The following LRP12 variants were observed in gnomAD, a reference collection of about 807,000 sequenced individuals.
The protein encoded by LRP12 is low-density lipoprotein receptor-related protein 12.
In LRP12, 14 loss-of-function variants were observed where a neutral mutation model predicts 66.0. The ratio of observed to expected loss-of-function variants is 0.21; its 90% CI spans 0.14 to 0.33. The LOEUF (loss-of-function observed/expected upper bound fraction) is 0.33, where lower values mean the gene tolerates loss of function less well. Among genes scored for constraint, LRP12 ranks in the 10% least tolerant of loss-of-function variants. The pLI is 1.00. For synonymous variants in LRP12, 357 were observed against 359.1 expected, an observed-to-expected ratio of 0.99 and a Z score of 0.07; for missense variants, 889 against 1,053.4, an observed-to-expected ratio of 0.84 and a Z score of 2.16.
intron 3 of LRP12, chr8:104,506,200 C>T (rs944667576): frequency 6.6e-6 from 1 of 151,706 alleles, no homozygotes; most frequent in Admixed American, 6.6e-5. Flanking sequence ...CTTTGTAATG[C>T]TATGTATTTT....
intron 2 of LRP12, among the ~76,000 whole-genome samples, chr8:104,516,391 T>C (rs1811072769): frequency 6.6e-6 from 1 of 151,824 alleles, no homozygotes; most frequent in South Asian, 2.1e-4. Context: ...ATGCTAATGG[T>C]TAAACTATAT....
chr8:104,554,822 A>T (rs938374610), intron 1 of LRP12, among the ~76,000 whole-genome samples: 1 of 152,218 alleles, frequency 6.6e-6, no homozygotes, highest in African/African-American at 2.4e-5. Flanking sequence ...GCACACAGTC[A>T]TCAGGTTATC....
chr8:104,581,200 G>C (rs1812243921), intron 1 of LRP12, among the ~76,000 whole-genome samples: 1 of 152,158 alleles, frequency 6.6e-6, no homozygotes, highest in African/African-American at 2.4e-5. Context: ...ACCAAATGCT[G>C]CATGTTCTCA....
intron 1 of LRP12, among the ~76,000 whole-genome samples, chr8:104,564,924 C>A (rs548569030): frequency 1.4e-5 from 2 of 143,786 alleles, no homozygotes; most frequent in African/African-American, 5.5e-5. Flanking sequence ...CAGAGTGAGA[C>A]TCTGTCAAAG....
chr8:104,584,026 C>A (rs1379489417), intron 1 of LRP12, among the ~76,000 whole-genome samples: 2 of 151,838 alleles, frequency 1.3e-5, no homozygotes, highest in African/African-American at 4.8e-5. Flanking sequence ...ACTCTGATAA[C>A]ATGTATTTGA....
intron 1 of LRP12, among the ~76,000 whole-genome samples, chr8:104,538,145 T>C (rs1048436152): frequency 1.3e-4 from 20 of 152,156 alleles, no homozygotes; most frequent in African/African-American, 4.6e-4. Context: ...GAGTGAGGTG[T>C]TGAATTACAT....
At chr8:104,538,611 C>A (rs1564139006) in intron 1 of LRP12, among the ~76,000 whole-genome samples, 1 of 152,014 alleles carries the variant, frequency 6.6e-6, no homozygotes, top group Non-Finnish European at 1.5e-5. Flanking sequence ...CTGCTAACAT[C>A]AGAAAAAAAG....
At chr8:104,506,206 A>T (rs558090380) in intron 3 of LRP12, 1 of 152,070 alleles carries the variant, frequency 6.6e-6, no homozygotes, top group East Asian at 1.9e-4. Flanking sequence ...AATGCTATGT[A>T]TTTTTTTTAA....
In LRP12 at chr8:104,489,404, TCA is replaced by T. The variant is rs929523839; in HGVS notation, c.*1267_*1268del. 1.3e-5 allele frequency: 2 copies of T among 152,390 alleles called. No homozygotes were observed. The highest frequency in any genetic ancestry group is 6.6e-5 in the Admixed American group (1 of 15,256). The allele number at this position is 152,390 out of a possible 1,614,324, so 9.4% of individuals were successfully genotyped here. On this transcript the variant is annotated 3_prime_UTR_variant, in exon 7 of 7. Coordinates refer to ENST00000276654, the MANE Select transcript of LRP12 (RefSeq NM_013437.5). The stretch of plus-strand genomic sequence containing the variant: ...TACTTAAAATTTAATAAATAGCAAA[TCA>T]CACACAGATACATTTTTCATAATCA...
intron 1 of LRP12, among the ~76,000 whole-genome samples, chr8:104,539,886 A>C (rs971650035): frequency 4.6e-5 from 7 of 152,170 alleles, no homozygotes; most frequent in Non-Finnish European, 8.8e-5. Flanking sequence ...TATATGCAGA[A>C]AACAAAGCCA....
rs149872014 is a variant in LRP12, at chr8:104,491,312, C to G, written c.1941G>C (p.Leu647Phe). 1.9e-6 allele frequency: 3 copies of G among 1,614,160 alleles called. No homozygotes were observed. The South Asian group carries it at 3.3e-5, about 18-fold the overall frequency. Residue 647 changes from leucine to phenylalanine, a missense_variant, in exon 7 of 7, where the codon TTG (leucine) becomes TTC (phenylalanine). Physicochemically the swap from Leu to Phe is conservative, Grantham distance 22. This residue lies in a region of LRP12 where 800 missense variants were observed against 964.5 expected (regional missense o/e 0.83). Transcript: ENST00000276654. ...CTGTATCATCAGACTCCACGGAAAA[C>G]AAACTTCTGTGAGTATGATTTCTCT... The part of the protein sequence containing the change: ...EPERNHTHRS[L>F]FSVESDDTDT...
At chr8:104,514,076 G>GA (rs1221369266) in intron 2 of LRP12, among the ~76,000 whole-genome samples, 1 of 152,068 alleles carries the variant, frequency 6.6e-6, no homozygotes, top group Non-Finnish European at 1.5e-5. Flanking sequence ...AATTTTCAAG[G>GA]ACAGGAAATA....
In LRP12 at chr8:104,562,297, GA is replaced by G. The variant is rs563636234; in HGVS notation, c.79+26521del. On this transcript the variant is annotated intron_variant, in intron 1 of 6. Transcript: ENST00000276654. ...AGGTATTATTTTTAATGAGAGCCTG[GA>G]AAACACTCCAACCTTTGACCTAGTA... Among the ~76,000 whole-genome samples the G allele has an allele frequency of 5.3e-5, 8 of 152,130 alleles. No homozygotes were observed. In the East Asian group the frequency reaches 1.5e-3, roughly 29 times the overall value.
chr8:104,552,879 T>G (rs963478148), intron 1 of LRP12, among the ~76,000 whole-genome samples: 5 of 152,188 alleles, frequency 3.3e-5, no homozygotes, highest in African/African-American at 1.2e-4. Flanking sequence ...TGAAGCTGCT[T>G]GCTGCTGCAG....
intron 1 of LRP12, among the ~76,000 whole-genome samples, chr8:104,538,290 T>C (rs969306726): frequency 2.6e-5 from 4 of 152,254 alleles, no homozygotes; most frequent in Admixed American, 6.5e-5. Flanking sequence ...AGGATCTACA[T>C]AGTATAGGCT....
In LRP12 at chr8:104,526,331, T is replaced by C. The variant is rs572695904; in HGVS notation, c.136+5576A>G. Among the ~76,000 whole-genome samples, 462 of 151,948 alleles carry C rather than the reference T, an allele frequency of 3.0e-3. 14 individuals carry two copies. In the East Asian group the frequency reaches 0.068, roughly 23 times the overall value. ...TCCTTCACAGAATTGGAAAAAACTATTTTAAAGTTCATATGGAACCAAAAA... is the reference window on the plus strand; with the variant it reads ...TCCTTCACAGAATTGGAAAAAACTACTTTAAAGTTCATATGGAACCAAAAA... On this transcript the variant is annotated intron_variant, in intron 2 of 6. Coordinates refer to ENST00000276654, the MANE Select transcript of LRP12 (RefSeq NM_013437.5).
At chr8:104,519,790 C>T (rs1413608692) in intron 2 of LRP12, among the ~76,000 whole-genome samples, 1 of 151,974 alleles carries the variant, frequency 6.6e-6, no homozygotes, top group Non-Finnish European at 1.5e-5. Flanking sequence ...AATCTTATAT[C>T]CAGCTGTTTA....
chr8:104,509,019 T>G lies in LRP12; in HGVS notation c.192A>C (p.Pro64=). The G allele has an allele frequency of 6.2e-7, 1 of 1,613,958 alleles. No homozygotes were observed. Among genetic ancestry groups the G allele is most frequent in the Non-Finnish European group, 8.5e-7 (1 of 1,179,866 alleles). ...TTGCAGGATATTCAGAAGGCCAGCC[T>G]GGGCTTGTGATTATGCCACTTGGTG... ...IRAPSGIITS[P]GWPSEYPAKI... The change falls in exon 3 of 7, where the codon CCA becomes CCC. Residue 64 remains proline, a synonymous_variant. Coordinates refer to ENST00000276654, the MANE Select transcript of LRP12 (RefSeq NM_013437.5).
At position 104,497,620 on chromosome 8, in the gene LRP12, T is replaced by C. The variant is rs1244420934; in HGVS notation, c.932A>G (p.Tyr311Cys). Reference sequence around the variant, plus strand: ...ATCATATATTTTGACATAATCACCATAACCAGTACCATCAAGTTTAAAGTC... The same window carrying C: ...ATCATATATTTTGACATAATCACCACAACCAGTACCATCAAGTTTAAAGTC... ...FTDFKLDGTGYGDYVKIYDGL... is the reference protein window; with the variant it reads ...FTDFKLDGTGCGDYVKIYDGL... The change falls in exon 5 of 7, where the codon TAT becomes TGT. Residue 311 changes from tyrosine (Y) to cysteine (C), a missense_variant. This residue lies in a region of LRP12 where 800 missense variants were observed against 964.5 expected (regional missense o/e 0.83). Transcript: ENST00000276654. This position sits in a 1 kb window ranked among gnomAD's most constrained non-coding sequence, Gnocchi z 4.3. 2 of 1,613,926 alleles carry C rather than the reference T, an allele frequency of 1.2e-6. No homozygotes were observed. The highest frequency in any genetic ancestry group is 1.1e-5 in the South Asian group (1 of 91,054).
Sources: allele counts gnomAD v4.1 joint callset (sites outside exome capture counted in the v4.1 genomes callset), GRCh38; gene constraint gnomAD v4.1.1; regional missense constraint gnomAD v4.1.1; non-coding constraint Gnocchi (gnomAD v3.1); transcripts MANE v1.5; gene names NCBI Gene and HGNC (gene_info 2026-07-23, HGNC 2026-07-21).